The following BNC2 variants were observed in gnomAD, a reference collection of about 807,000 sequenced individuals.
BNC2 encodes the protein zinc finger protein basonuclin-2.
BNC2 carries 20 observed loss-of-function variants against 76.3 expected under a neutral mutation model. That is an observed-to-expected ratio of 0.26 (90% CI 0.18 to 0.38). The LOEUF (loss-of-function observed/expected upper bound fraction) is 0.38. BNC2 is among the 10% of genes least tolerant of loss of function. BNC2 has a pLI of 1.00. For missense variants in BNC2, 1,382 were observed against 1,399.8 expected, an observed-to-expected ratio of 0.99 and a Z score of 0.20; for synonymous variants, 582 against 514.8, an observed-to-expected ratio of 1.13 and a Z score of -1.77.
Position 16,415,175 on chromosome 9 carries a change from T to C in BNC2, c.*3814A>G, listed in dbSNP as rs1245180465. 6.6e-6 allele frequency: 1 copy of C among 152,276 alleles called. No homozygotes were observed. The highest frequency in any genetic ancestry group is 1.5e-5 in the Non-Finnish European group (1 of 68,028). 9.4% of individuals were successfully genotyped at this position (152,276 alleles called of 1,614,324 possible). A position where few individuals can be genotyped will look rare whatever the true frequency, so the allele number is the denominator to read the frequency against. The stretch of plus-strand genomic sequence containing the variant: ...GGACTAAGATCTGGAATGAGTTACA[T>C]TGGGTTGACTTATTTAAATACAATT... On this transcript the variant is annotated 3_prime_UTR_variant, in exon 7 of 7. Coordinates refer to ENST00000380672, the MANE Select transcript of BNC2 (RefSeq NM_017637.6).
At position 16,436,989 on chromosome 9, in the gene BNC2, A is replaced by T; in HGVS notation, c.1205T>A (p.Val402Asp). 1 of 1,614,098 alleles carries T rather than the reference A, an allele frequency of 6.2e-7. No individual in the cohort carries two copies. The highest frequency in any genetic ancestry group is 8.5e-7 in the Non-Finnish European group (1 of 1,180,008). Residue 402 changes from valine (V) to aspartate (D), a missense_variant, in exon 6 of 7, where the codon GTC (valine) becomes GAC (aspartate). Physicochemically the swap from Val to Asp is radical, Grantham distance 152 (BLOSUM62 -3). Coordinates refer to ENST00000380672, the MANE Select transcript of BNC2 (RefSeq NM_017637.6). ...NVEPKTEPAC[V>D]SPIQNSAPVS... The stretch of plus-strand genomic sequence containing the variant: ...TGGGGCAGAATTCTGAATGGGAGAG[A>T]CACAGGCTGGCTCGGTTTTGGGCTC...
At chr9:16,465,128 G>T (rs910866050) in intron 5 of BNC2, among the ~76,000 whole-genome samples, 1 of 152,162 alleles carries the variant, frequency 6.6e-6, no homozygotes, top group Non-Finnish European at 1.5e-5. Context: ...TATATTTACA[G>T]GAGTAAGATT....
rs1223012755 is a variant in BNC2, at chr9:16,418,558, TC to T, written c.*430del. 1 of 157,850 alleles carries T rather than the reference TC, an allele frequency of 6.3e-6. No homozygotes were observed. Among genetic ancestry groups the T allele is most frequent in the South Asian group, 2.0e-4 (1 of 5,092 alleles). The allele number at this position is 157,850 out of a possible 1,614,324, so 9.8% of individuals were successfully genotyped here. ...AAGAAGTTCCTTTTTGTTTCTTTTTTCTTTTTTTTCCCTTTTATTTTTGCAG... is the reference window on the plus strand; with the variant it reads ...AAGAAGTTCCTTTTTGTTTCTTTTTTTTTTTTTTCCCTTTTATTTTTGCAG... On this transcript the variant is annotated 3_prime_UTR_variant, in exon 7 of 7. Transcript: ENST00000380672.
intron 5 of BNC2, among the ~76,000 whole-genome samples, chr9:16,514,520 G>A (rs181314700): frequency 2.0e-5 from 3 of 152,156 alleles, no homozygotes; most frequent in African/African-American, 7.2e-5. Flanking sequence ...GAAAAATACT[G>A]GTAATAAAGG....
chr9:16,485,111 GACACACAC>G (rs58432278), intron 5 of BNC2, among the ~76,000 whole-genome samples: 2 of 143,560 alleles, frequency 1.4e-5, no homozygotes, highest in Admixed American at 7.1e-5. Context: ...GACACACACA[GACACACAC>G]ACACACACAC....
At chr9:16,431,378 A>G (rs2130792610) in intron 6 of BNC2, 3 of 442,056 alleles carry the variant, frequency 6.8e-6, no homozygotes, top group South Asian at 4.9e-5. Context: ...AGTATGAGAA[A>G]TGATGAAAGG....
intron 5 of BNC2, among the ~76,000 whole-genome samples, chr9:16,505,238 A>G (rs1383904997): frequency 6.6e-6 from 1 of 152,246 alleles, no homozygotes; most frequent in Non-Finnish European, 1.5e-5. Context: ...GTAGCAAATC[A>G]CATCCCACAC....
intron 2 of BNC2, 87 bp from the exon 3 acceptor site, chr9:16,728,084 T>C: frequency 1.2e-6 from 1 of 849,758 alleles, no homozygotes; most frequent in Non-Finnish European, 1.8e-6. Context: ...AACTGTGCAT[T>C]TCATTTGGGA....
intron 3 of BNC2, among the ~76,000 whole-genome samples, chr9:16,659,488 A>G (rs753232698): frequency 1.4e-4 from 21 of 152,012 alleles, no homozygotes; most frequent in Middle Eastern, 3.4e-3. Context: ...CATGCCTGTA[A>G]TCCCAGCTAC....
intron 3 of BNC2, among the ~76,000 whole-genome samples, chr9:16,593,438 T>C (rs903329165): frequency 6.6e-6 from 1 of 151,960 alleles, no homozygotes; most frequent in African/African-American, 2.4e-5. Context: ...AATTTAGAAG[T>C]TCAGAGTAAA....
chr9:16,663,130 C>CTTTTT (rs71325979), intron 3 of BNC2, among the ~76,000 whole-genome samples: 2,514 of 99,536 alleles, frequency 0.025, 176 homozygotes, highest in East Asian at 0.098. Flanking sequence ...TCTGTTTACT[C>CTTTTT]TTTTTTTTTT....
At position 16,764,193 on chromosome 9, in the gene BNC2, T is replaced by C. The variant is rs144865508; in HGVS notation, c.4-25708A>G. ...CACTCACTGCCAGTAATTGCTTCCATACAATTCTGTGTTTTAAAACATGTT... is the reference window on the plus strand; with the variant it reads ...CACTCACTGCCAGTAATTGCTTCCACACAATTCTGTGTTTTAAAACATGTT... On this transcript the variant is annotated intron_variant, in intron 1 of 6. Transcript: ENST00000380672. Among the ~76,000 whole-genome samples the C allele has an allele frequency of 4.5e-3, 679 of 152,330 alleles. 3 individuals carry two copies. Among genetic ancestry groups the C allele is most frequent in the African/African-American group, 0.015 (640 of 41,582 alleles).
chr9:16,795,160 G>A (rs1817610272), intron 1 of BNC2, among the ~76,000 whole-genome samples: 1 of 152,040 alleles, frequency 6.6e-6, no homozygotes, highest in Admixed American at 6.5e-5. Context: ...TTGAAAACAG[G>A]AACACTGCCT....
chr9:16,430,514 T>C (rs994401193), intron 6 of BNC2, among the ~76,000 whole-genome samples: 1 of 152,170 alleles, frequency 6.6e-6, no homozygotes, highest in African/African-American at 2.4e-5. Context: ...TTTCCAAACA[T>C]AGAGAATGAT....
At chr9:16,489,483 A>G (rs1404724913) in intron 5 of BNC2, among the ~76,000 whole-genome samples, 1 of 152,200 alleles carries the variant, frequency 6.6e-6, no homozygotes, top group Non-Finnish European at 1.5e-5. Flanking sequence ...CAAAGCATCA[A>G]TCATTGCTGG....
chr9:16,863,079 T>C (rs185898866), intron 1 of BNC2, among the ~76,000 whole-genome samples: 1 of 151,998 alleles, frequency 6.6e-6, no homozygotes, highest in African/African-American at 2.4e-5. Flanking sequence ...CACGCCCAGC[T>C]AATTTTTGTA....
intron 5 of BNC2, among the ~76,000 whole-genome samples, chr9:16,545,980 A>G (rs1461776217): frequency 1.3e-5 from 2 of 152,240 alleles, no homozygotes; most frequent in African/African-American, 2.4e-5. Flanking sequence ...TTATGCCACT[A>G]GTAGTATTTC....
intron 3 of BNC2, among the ~76,000 whole-genome samples, chr9:16,651,813 C>A (rs1385089659): frequency 6.6e-6 from 1 of 152,018 alleles, no homozygotes; most frequent in East Asian, 1.9e-4. Context: ...CTGACACTTT[C>A]AAAAGCAATA....
chr9:16,504,029 C>T (rs1053309804), intron 5 of BNC2, among the ~76,000 whole-genome samples: 7 of 152,024 alleles, frequency 4.6e-5, no homozygotes, highest in African/African-American at 1.4e-4. Flanking sequence ...TAAACATACC[C>T]AGCACCTACA....
Sources: gnomAD v4.1 joint callset for allele counts (sites outside exome capture counted in the v4.1 genomes callset) on GRCh38, gnomAD v4.1.1 for gene constraint, MANE v1.5 for transcripts, NCBI Gene and HGNC (gene_info 2026-07-23, HGNC 2026-07-21) for gene names.